The following NAV3 variants were observed in gnomAD, a reference collection of about 807,000 sequenced individuals.
The protein encoded by NAV3 is neuron navigator 3, also known as pore membrane and/or filament interacting like protein 1.
NAV3 carries 87 observed loss-of-function variants against 244.7 expected under a neutral mutation model. The observed-to-expected ratio is 0.36, with a 90% CI of 0.30 to 0.42. The LOEUF (loss-of-function observed/expected upper bound fraction) is 0.42, where lower values mean the gene tolerates loss of function less well. Among genes scored for constraint, NAV3 ranks in the 20% least tolerant of loss-of-function variants. The pLI is 1.00. For synonymous variants in NAV3, 1,126 were observed against 1,042.2 expected, an observed-to-expected ratio of 1.08 and a Z score of -1.55; for missense variants, 2,663 against 2,893.3, an observed-to-expected ratio of 0.92 and a Z score of 1.83.
Position 78,006,804 on chromosome 12 carries a change from A to G in NAV3, c.1266A>G (p.Glu422=). The change falls in exon 8 of 40, where the codon GAA becomes GAG. Residue 422 remains glutamate, a synonymous_variant. Transcript: ENST00000397909. ...ATGATGCCTTTTCTGAATCTGGTGAAATGGAAGGTTTTAACAGTGGTCTGA... is the reference window on the plus strand; with the variant it reads ...ATGATGCCTTTTCTGAATCTGGTGAGATGGAAGGTTTTAACAGTGGTCTGA... ...KDDDAFSESG[E]MEGFNSGLNS... is the part of the protein sequence containing the mutation. 3.1e-6 allele frequency: 5 copies of G among 1,614,152 alleles called. No homozygotes were observed. Among genetic ancestry groups the G allele is most frequent in the Non-Finnish European group, 4.2e-6 (5 of 1,180,034 alleles).
At chr12:77,770,674 G>A (rs1017489444) in intron 2 of NAV3, among the ~76,000 whole-genome samples, 1 of 152,160 alleles carries the variant, frequency 6.6e-6, no homozygotes, top group Non-Finnish European at 1.5e-5. Flanking sequence ...AGTCTAAAAT[G>A]TAACCATTTG....
intron 12 of NAV3, among the ~76,000 whole-genome samples, chr12:78,061,048 C>T (rs1593431850): frequency 6.6e-6 from 1 of 152,204 alleles, no homozygotes; most frequent in East Asian, 1.9e-4. Flanking sequence ...AAAACAGTGC[C>T]TCTTAAAGTG....
chr12:77,814,301 G>A (rs553084485), intron 2 of NAV3, among the ~76,000 whole-genome samples: 32 of 151,936 alleles, frequency 2.1e-4, no homozygotes, highest in Middle Eastern at 6.8e-3. Flanking sequence ...AACATTTTCT[G>A]CCCTATGACA....
At chr12:77,999,221 T>G (rs1464020913) in intron 7 of NAV3, among the ~76,000 whole-genome samples, 1 of 152,198 alleles carries the variant, frequency 6.6e-6, no homozygotes, top group Non-Finnish European at 1.5e-5. Context: ...GAAGAACTTG[T>G]GCTGTTATAA....
At chr12:78,023,865 A>G (rs961928504) in intron 9 of NAV3, among the ~76,000 whole-genome samples, 1 of 152,110 alleles carries the variant, frequency 6.6e-6, no homozygotes, top group Non-Finnish European at 1.5e-5. Flanking sequence ...TTTAGTATCT[A>G]CACGGGTGTT....
At chr12:77,711,393 T>C (rs1876106290) in intron 2 of NAV3, among the ~76,000 whole-genome samples, 1 of 152,248 alleles carries the variant, frequency 6.6e-6, no homozygotes. Flanking sequence ...ATTCCTGTTA[T>C]GATGTCCTTT....
chr12:77,958,277 C>G (rs772397662), intron 3 of NAV3, among the ~76,000 whole-genome samples: 104 of 152,200 alleles, frequency 6.8e-4, no homozygotes, highest in Admixed American at 1.1e-3. Flanking sequence ...TAATTCAGTG[C>G]TCTTTAGAAT....
In NAV3 at chr12:77,920,423, A is replaced by G. The variant is rs185026574; in HGVS notation, c.244-19896A>G. 1.4e-4 allele frequency among the ~76,000 whole-genome samples: 22 copies of G among 152,138 alleles called. 1 individual carries two copies. The East Asian group carries it at 4.1e-3, about 28-fold the overall frequency. ...GACATGAAGAAAATGGAAAAGTCAG[A>G]TTTAAAAAACACACAACAAAAAGCC... On this transcript the variant is annotated intron_variant, in intron 1 of 39. Coordinates refer to ENST00000397909, the MANE Select transcript of NAV3 (RefSeq NM_001024383.2).
chr12:77,859,728 T>A (rs1461712121), intron 1 of NAV3, among the ~76,000 whole-genome samples: 4 of 55,700 alleles, frequency 7.2e-5, no homozygotes, highest in East Asian at 6.2e-4. Flanking sequence ...GCATGAGCAG[T>A]AAAACAAGCA....
chr12:77,583,668 C>T (rs2136685844), intron 2 of NAV3, among the ~76,000 whole-genome samples: 1 of 152,214 alleles, frequency 6.6e-6, no homozygotes, highest in Non-Finnish European at 1.5e-5. Flanking sequence ...AGTGGTTTGA[C>T]TAAATATATG....
intron 12 of NAV3, among the ~76,000 whole-genome samples, chr12:78,090,241 A>G (rs1009292238): frequency 2.0e-5 from 3 of 147,364 alleles, no homozygotes; most frequent in African/African-American, 7.4e-5. Flanking sequence ...AATTATATAT[A>G]TATATCAAAT....
rs1473944493 is a variant in NAV3, at chr12:78,208,245, G to A, written c.7039-2153G>A. ...TCTTTAATAACCTGCTCTCGCACAT[G>A]AACTAATCCATTCCCTCCAGAGTGA... On this transcript the variant is annotated intron_variant, in intron 39 of 39. Transcript: ENST00000397909. Among the ~76,000 whole-genome samples, 6 of 152,064 alleles carry A rather than the reference G, an allele frequency of 3.9e-5. 1 individual carries two copies. In the South Asian group the frequency reaches 6.2e-4, roughly 16 times the overall value.
chr12:77,967,506 A>T (rs1285578827), intron 4 of NAV3, among the ~76,000 whole-genome samples: 3 of 152,234 alleles, frequency 2.0e-5, no homozygotes, highest in South Asian at 4.1e-4. Flanking sequence ...ATGATAAACC[A>T]TCAGAGAGCA....
At chr12:77,820,320 C>T (rs1333398282) in intron 2 of NAV3, among the ~76,000 whole-genome samples, 1 of 152,082 alleles carries the variant, frequency 6.6e-6, no homozygotes, top group Admixed American at 6.6e-5. Flanking sequence ...ATTTATATCC[C>T]ATAGTTCTAG....
At chr12:78,150,540 C>T (rs1418608291) in intron 22 of NAV3, among the ~76,000 whole-genome samples, 2 of 149,734 alleles carry the variant, frequency 1.3e-5, no homozygotes, top group Non-Finnish European at 3.0e-5. Flanking sequence ...CATTCTTACT[C>T]ATGATTATTG....
chr12:77,719,816 GT>G (rs1189821845), intron 2 of NAV3, among the ~76,000 whole-genome samples: 1 of 152,120 alleles, frequency 6.6e-6, no homozygotes, highest in African/African-American at 2.4e-5. Context: ...CCTAAAATGA[GT>G]TTGGAAGTGT....
At chr12:77,657,688 C>T (rs1027212485) in intron 2 of NAV3, among the ~76,000 whole-genome samples, 12 of 152,202 alleles carry the variant, frequency 7.9e-5, no homozygotes, top group African/African-American at 2.4e-4. Flanking sequence ...CCTTGATGAA[C>T]ATTGATGCAA....
chr12:78,200,727 T>G, intron 38 of NAV3, 136 bp downstream of exon 38: 1 of 428,768 alleles, frequency 2.3e-6, no homozygotes, highest in Non-Finnish European at 4.0e-6. Context: ...AGCAATAAGG[T>G]TTTCAAGAGC....
At chr12:77,582,915 C>T (rs79773458) in intron 2 of NAV3, among the ~76,000 whole-genome samples, 4,831 of 152,212 alleles carry the variant, frequency 0.032, 120 homozygotes, top group Middle Eastern at 0.082. Context: ...CATATGTGAC[C>T]ATTTAAGTGC....
Sources: allele counts gnomAD v4.1 joint callset (sites outside exome capture counted in the v4.1 genomes callset), GRCh38; gene constraint gnomAD v4.1.1; transcripts MANE v1.5; gene names NCBI Gene and HGNC (gene_info 2026-07-23, HGNC 2026-07-21).